The following RTN1 variants were observed in gnomAD, a reference collection of about 807,000 sequenced individuals.
RTN1 encodes the protein reticulon 1, also known as reticulon-1.
Under a neutral mutation model 65.5 loss-of-function variants are expected in RTN1, and 25 were observed. The observed-to-expected ratio is 0.38, with a 90% CI of 0.28 to 0.53. RTN1 has a LOEUF of 0.53. Ranked by LOEUF, RTN1 falls within the 20% of genes least tolerant of loss-of-function variation. The pLI is 0.79. For synonymous variants in RTN1, 471 were observed against 447.6 expected (o/e 1.05, Z -0.66); for missense variants, 983 against 1,025.4 (o/e 0.96, Z 0.57).
chr14:59,838,881 A>G (rs576008862), intron 1 of RTN1, among the ~76,000 whole-genome samples: 3 of 152,254 alleles, frequency 2.0e-5, no homozygotes, highest in Non-Finnish European at 2.9e-5. Context: ...TTTCTGTCCT[A>G]CAAAATGTCC....
intron 1 of RTN1, among the ~76,000 whole-genome samples, chr14:59,746,731 T>C (rs1278232953): frequency 2.0e-5 from 3 of 152,160 alleles, no homozygotes; most frequent in Non-Finnish European, 4.4e-5. Context: ...CCAGATAAGT[T>C]GGGGACAGAT....
chr14:59,711,223 T>C (rs1884412272), intron 3 of RTN1, among the ~76,000 whole-genome samples: 1 of 152,208 alleles, frequency 6.6e-6, no homozygotes, highest in Non-Finnish European at 1.5e-5. Context: ...GCAAATTCGA[T>C]AGGCTCAGCT....
chr14:59,758,456 C>A (rs563047982), intron 1 of RTN1, among the ~76,000 whole-genome samples: 4 of 152,212 alleles, frequency 2.6e-5, no homozygotes, highest in South Asian at 2.1e-4. Flanking sequence ...CACACCTGCT[C>A]AAGCCCACAA....
chr14:59,710,074 A>C (rs1594692158), intron 3 of RTN1, among the ~76,000 whole-genome samples: 9 of 116,602 alleles, frequency 7.7e-5, no homozygotes, highest in Admixed American at 3.5e-4. Context: ...ACAGACTGTC[A>C]CTCTGTTGCC....
intron 3 of RTN1, among the ~76,000 whole-genome samples, chr14:59,640,568 G>A (rs1882756163): frequency 6.6e-6 from 1 of 152,124 alleles, no homozygotes; most frequent in Non-Finnish European, 1.5e-5. Context: ...GCCTGCCTCG[G>A]CCTCCCAAAG....
At chr14:59,733,570 A>T (rs1301282657) in intron 2 of RTN1, among the ~76,000 whole-genome samples, 2 of 152,010 alleles carry the variant, frequency 1.3e-5, no homozygotes, top group African/African-American at 4.8e-5. Flanking sequence ...TAGCCTGGGG[A>T]CTTTGGAGAG....
chr14:59,786,224 A>G (rs1408977912), intron 1 of RTN1, among the ~76,000 whole-genome samples: 1 of 152,222 alleles, frequency 6.6e-6, no homozygotes, highest in Non-Finnish European at 1.5e-5. Context: ...AAGTCCATGG[A>G]AACAGCAGAG....
intron 1 of RTN1, among the ~76,000 whole-genome samples, chr14:59,772,951 C>A (rs183486532): frequency 1.3e-5 from 2 of 152,218 alleles, no homozygotes; most frequent in East Asian, 3.9e-4. Flanking sequence ...ATAATAGCAT[C>A]CTACTGTCCA....
Position 59,774,808 on chromosome 14 carries a change from A to G in RTN1, c.242-28327T>C, listed in dbSNP as rs1327850145. Among the ~76,000 whole-genome samples the G allele has an allele frequency of 6.6e-6, 1 of 152,160 alleles. No individual in the cohort carries two copies. Among genetic ancestry groups the G allele is most frequent in the Non-Finnish European group, 1.5e-5 (1 of 68,018 alleles). ...CACAACATCTCCCCAAGGAGACCACATGATCAGAACTCACTCTTCTGAACA... is the reference window on the plus strand; with the variant it reads ...CACAACATCTCCCCAAGGAGACCACGTGATCAGAACTCACTCTTCTGAACA... On this transcript the variant is annotated intron_variant, in intron 1 of 8. Coordinates refer to ENST00000267484, the MANE Select transcript of RTN1 (RefSeq NM_021136.3). The surrounding 1 kb of genome is among the most constrained non-coding windows in gnomAD (Gnocchi z 5.1).
chr14:59,773,449 T>C (rs939214291), intron 1 of RTN1, among the ~76,000 whole-genome samples: 3 of 152,178 alleles, frequency 2.0e-5, no homozygotes, highest in Admixed American at 2.0e-4. Context: ...TTTAAAAAGT[T>C]AGTTTCTGAT....
At chr14:59,740,213 A>T (rs1885089342) in intron 2 of RTN1, among the ~76,000 whole-genome samples, 1 of 152,224 alleles carries the variant, frequency 6.6e-6, no homozygotes, top group South Asian at 2.1e-4. Context: ...TGCCTGGCAC[A>T]CCGGAGGTAC....
At chr14:59,698,099 A>T (rs907670337) in intron 3 of RTN1, among the ~76,000 whole-genome samples, 3 of 152,194 alleles carry the variant, frequency 2.0e-5, no homozygotes, top group African/African-American at 7.2e-5. Context: ...ATTAGTGGAT[A>T]AGTAACATCA....
At chr14:59,819,007 C>G in intron 1 of RTN1, among the ~76,000 whole-genome samples, 1 of 152,084 alleles carries the variant, frequency 6.6e-6, no homozygotes, top group Admixed American at 6.5e-5. Context: ...TCGTGGTCTC[C>G]CTGGCTCAAA....
chr14:59,832,432 G>A (rs1887141824), intron 1 of RTN1, among the ~76,000 whole-genome samples: 1 of 152,134 alleles, frequency 6.6e-6, no homozygotes, highest in African/African-American at 2.4e-5. Flanking sequence ...AGGGGTGCCA[G>A]GGAATACTCC....
chr14:59,676,471 T>C (rs1403641365), intron 3 of RTN1, among the ~76,000 whole-genome samples: 1 of 152,134 alleles, frequency 6.6e-6, no homozygotes, highest in Non-Finnish European at 1.5e-5. Context: ...TAAGTCAAAA[T>C]TTGAAGCAAA....
At chr14:59,813,328 G>A (rs1047945302) in intron 1 of RTN1, among the ~76,000 whole-genome samples, 2 of 152,132 alleles carry the variant, frequency 1.3e-5, no homozygotes, top group Admixed American at 1.3e-4. Flanking sequence ...GAGTTTTGAA[G>A]CCAATTGTTA....
At chr14:59,804,987 CT>C (rs1886611424) in intron 1 of RTN1, among the ~76,000 whole-genome samples, 1 of 152,330 alleles carries the variant, frequency 6.6e-6, no homozygotes, top group African/African-American at 2.4e-5. Flanking sequence ...TAAGTAATGT[CT>C]TCACAAAGAG....
At chr14:59,751,881 G>A in intron 1 of RTN1, among the ~76,000 whole-genome samples, 1 of 152,082 alleles carries the variant, frequency 6.6e-6, no homozygotes, top group South Asian at 2.1e-4. Flanking sequence ...CCTGGCATTT[G>A]AGACCATGTG....
intron 8 of RTN1, among the ~76,000 whole-genome samples, chr14:59,596,994 AAG>A (rs1262989674): frequency 6.6e-6 from 1 of 152,218 alleles, no homozygotes; most frequent in African/African-American, 2.4e-5. Context: ...AGCAACAAAA[AAG>A]AGAATTGGAA....
Sources: allele counts gnomAD v4.1 joint callset (sites outside exome capture counted in the v4.1 genomes callset), GRCh38; gene constraint gnomAD v4.1.1; non-coding constraint Gnocchi (gnomAD v3.1); transcripts MANE v1.5; gene names NCBI Gene and HGNC (gene_info 2026-07-23, HGNC 2026-07-21).